PRKCA: variants seen among roughly 807,000 people sequenced by gnomAD.
PRKCA encodes the protein protein kinase C alpha type.
In PRKCA, 27 loss-of-function variants were observed where a neutral mutation model predicts 87.0. The observed-to-expected ratio is 0.31, with a 90% confidence interval of 0.23 to 0.43. The LOEUF is 0.43. PRKCA is among the 20% of genes least tolerant of loss of function. The pLI is 1.00. For synonymous variants in PRKCA, 329 were observed against 311.1 expected (o/e 1.06, Z -0.61); for missense variants, 518 against 852.3 (o/e 0.61, Z 4.88).
chr17:66,690,827 CAAAAAAAAA>C (rs34671486), intron 8 of PRKCA, among the ~76,000 whole-genome samples: 3 of 66,600 alleles, frequency 4.5e-5, no homozygotes, highest in South Asian at 5.7e-4. Context: ...GACTCTGTCT[CAAAAAAAAA>C]AAAAAAAAAA....
At chr17:66,390,511 TTCTC>T (rs1457962749) in intron 2 of PRKCA, among the ~76,000 whole-genome samples, 1 of 152,184 alleles carries the variant, frequency 6.6e-6, no homozygotes, top group Admixed American at 6.5e-5. Flanking sequence ...ACAGATGTGT[TTCTC>T]TCTCTGAGCT....
At chr17:66,337,180 T>C (rs1406121726) in intron 2 of PRKCA, among the ~76,000 whole-genome samples, 1 of 151,964 alleles carries the variant, frequency 6.6e-6, no homozygotes, top group Non-Finnish European at 1.5e-5. Flanking sequence ...GGGAGGAAGA[T>C]AGGAAGGGGG....
intron 2 of PRKCA, among the ~76,000 whole-genome samples, chr17:66,488,522 C>A (rs1860777815): frequency 6.6e-6 from 1 of 152,184 alleles, no homozygotes; most frequent in Non-Finnish European, 1.5e-5. Flanking sequence ...TCTTGACTCG[C>A]CTTTCCTTCA....
At chr17:66,725,660 AT>A (rs1973728364) in intron 8 of PRKCA, among the ~76,000 whole-genome samples, 2 of 148,300 alleles carry the variant, frequency 1.3e-5, no homozygotes, top group Admixed American at 1.3e-4. Context: ...AAAAAAAAAA[AT>A]TAGCTGGGTG....
At chr17:66,573,054 C>T (rs1969125019) in intron 3 of PRKCA, among the ~76,000 whole-genome samples, 1 of 152,082 alleles carries the variant, frequency 6.6e-6, no homozygotes, top group Non-Finnish European at 1.5e-5. Flanking sequence ...GTTCTGTCTA[C>T]AGAGGAACTT....
intron 8 of PRKCA, among the ~76,000 whole-genome samples, chr17:66,694,480 C>CAAAAAAAA (rs57941055): frequency 2.8e-5 from 1 of 35,214 alleles, no homozygotes; most frequent in African/African-American, 1.3e-4. Context: ...GACTCTGTCT[C>CAAAAAAAA]AAAAAAAAAA....
chr17:66,385,332 C>G (rs1295679717), intron 2 of PRKCA, among the ~76,000 whole-genome samples: 2 of 152,216 alleles, frequency 1.3e-5, no homozygotes, highest in African/African-American at 4.8e-5. Context: ...AATTCGAAGA[C>G]AGTTTACTTT....
At chr17:66,452,555 T>C (rs1914377287) in intron 2 of PRKCA, among the ~76,000 whole-genome samples, 1 of 152,236 alleles carries the variant, frequency 6.6e-6, no homozygotes, top group South Asian at 2.1e-4. Context: ...TTTTGTTGCC[T>C]GATAGGAACT....
In PRKCA at chr17:66,434,680, G is replaced by A. The variant is rs559862933; in HGVS notation, c.206-61521G>A. On this transcript the variant is annotated intron_variant, in intron 2 of 16. Coordinates refer to ENST00000413366, the MANE Select transcript of PRKCA (RefSeq NM_002737.3). ...CCTTTTTTCCCCGAATGTGGCCTTG[G>A]AGTCAGATTGCCCAGGTTCAAACTT... Among the ~76,000 whole-genome samples the A allele has an allele frequency of 5.3e-5, 8 of 152,260 alleles. No individual in the cohort carries two copies. The South Asian group carries it at 1.7e-3, about 32-fold the overall frequency.
intron 3 of PRKCA, among the ~76,000 whole-genome samples, chr17:66,516,387 C>A (rs1016373693): frequency 6.6e-6 from 1 of 152,128 alleles, no homozygotes; most frequent in Non-Finnish European, 1.5e-5. Flanking sequence ...AATCCCAGCA[C>A]TTTGGAAAGC....
At chr17:66,783,710 T>C (rs952772365) in intron 14 of PRKCA, among the ~76,000 whole-genome samples, 2 of 152,228 alleles carry the variant, frequency 1.3e-5, no homozygotes, top group Non-Finnish European at 2.9e-5. Context: ...AGCTTCTCAC[T>C]ACCCTACTCA....
chr17:66,732,642 C>T (rs770232716), intron 8 of PRKCA, 46 bp from the exon 9 acceptor site: 4 of 1,612,174 alleles, frequency 2.5e-6, no homozygotes, highest in Non-Finnish European at 3.4e-6. Flanking sequence ...TCACTCTTTC[C>T]CCAGAAAAAT....
At chr17:66,306,336 A>T (rs1904814882) in intron 2 of PRKCA, 3 of 398,336 alleles carry the variant, frequency 7.5e-6, no homozygotes, top group Non-Finnish European at 8.8e-6. Context: ...GGAAAAAAAA[A>T]AAAAAAGCCT....
At chr17:66,781,547 G>C (rs1975213877) in intron 14 of PRKCA, among the ~76,000 whole-genome samples, 1 of 152,180 alleles carries the variant, frequency 6.6e-6, no homozygotes, top group Non-Finnish European at 1.5e-5. Context: ...ACTGATACCG[G>C]AAGGCACAGT....
At chr17:66,318,250 T>C (rs1008491508) in intron 2 of PRKCA, among the ~76,000 whole-genome samples, 1 of 152,188 alleles carries the variant, frequency 6.6e-6, no homozygotes, top group Non-Finnish European at 1.5e-5. Flanking sequence ...AATTAAAAAA[T>C]GAGGCTTTGT....
At chr17:66,494,907 AG>A (rs1217478278) in intron 2 of PRKCA, among the ~76,000 whole-genome samples, 1 of 152,134 alleles carries the variant, frequency 6.6e-6, no homozygotes, top group Non-Finnish European at 1.5e-5. Context: ...GTTCGAGACT[AG>A]CCTGGCCAAC....
chr17:66,303,169 C>T, intron 1 of PRKCA, 145 bp downstream of exon 1: 3 of 1,141,222 alleles, frequency 2.6e-6, no homozygotes, highest in Non-Finnish European at 3.6e-6. Context: ...CGGAGTGACA[C>T]GCGCGCCCGG....
intron 2 of PRKCA, among the ~76,000 whole-genome samples, chr17:66,480,468 A>G (rs1157034262): frequency 6.6e-6 from 1 of 152,214 alleles, no homozygotes; most frequent in Non-Finnish European, 1.5e-5. Context: ...TAATGTGACC[A>G]GGCTTTGTCG....
rs1976070641 is a variant in PRKCA, at chr17:66,807,990, G to A, written c.*3953G>A. The A allele has an allele frequency of 6.6e-6, 1 of 152,214 alleles. No homozygotes were observed. The allele number at this position is 152,214 out of a possible 1,614,324, so 9.4% of individuals were successfully genotyped here. On this transcript the variant is annotated 3_prime_UTR_variant, in exon 17 of 17. Coordinates refer to ENST00000413366, the MANE Select transcript of PRKCA (RefSeq NM_002737.3). The surrounding 1 kb of genome is among the most constrained non-coding windows in gnomAD (Gnocchi z 4.3). ...TTTCTGTCTGCTGGCCCTCAAGAGA[G>A]TGTTTTGCCAGGGACACAGTCTGTT...
Sources: gnomAD v4.1 joint callset for allele counts (sites outside exome capture counted in the v4.1 genomes callset) on GRCh38, gnomAD v4.1.1 for gene constraint, Gnocchi (gnomAD v3.1) non-coding constraint, MANE v1.5 for transcripts, NCBI Gene and HGNC (gene_info 2026-07-23, HGNC 2026-07-21) for gene names.